The following PPP4R1 variants were observed in gnomAD, a reference collection of about 807,000 sequenced individuals.
PPP4R1 encodes protein phosphatase 4 regulatory subunit 1.
A neutral mutation model predicts 111.2 loss-of-function variants in PPP4R1; 42 were observed. The ratio of observed to expected loss-of-function variants is 0.38; its 90% CI spans 0.29 to 0.49. The LOEUF is 0.49. Among genes scored for constraint, PPP4R1 ranks in the 20% least tolerant of loss-of-function variants. PPP4R1 has a pLI of 0.97. For missense variants in PPP4R1, 1,012 were observed against 1,161.6 expected, an observed-to-expected ratio of 0.87 and a Z score of 1.87; for synonymous variants, 409 against 405.5, an observed-to-expected ratio of 1.01 and a Z score of -0.10.
intron 5 of PPP4R1, 52 bp downstream of exon 5, chr18:9,588,659 A>G (rs1261821191): frequency 1.3e-6 from 2 of 1,488,150 alleles, no homozygotes; most frequent in Non-Finnish European, 1.8e-6. Flanking sequence ...GCTATTCTCC[A>G]TATATTACAC....
chr18:9,588,082 G>T lies in PPP4R1; in HGVS notation c.585+7C>A. The T allele has an allele frequency of 6.2e-7, 1 of 1,613,332 alleles. No individual in the cohort carries two copies. Among genetic ancestry groups the T allele is most frequent in the South Asian group, 1.1e-5 (1 of 90,926 alleles). Reference sequence around the variant, plus strand: ...TTGCATAAGTGGAAAAATGGCATTTGACTTACAGCCACAGCTTCTGTTTTC... The same window carrying T: ...TTGCATAAGTGGAAAAATGGCATTTTACTTACAGCCACAGCTTCTGTTTTC... On this transcript the variant is annotated splice_region_variant and intron_variant, in intron 6 of 19. Transcript: ENST00000400556.
chr18:9,549,742 CAT>C (rs1485785604), intron 18 of PPP4R1: 1 of 507,238 alleles, frequency 2.0e-6, no homozygotes, highest in East Asian at 3.4e-5. Context: ...GTGAAATGTA[CAT>C]ATACACACGT....
Position 9,557,366 on chromosome 18 carries a change from G to A in PPP4R1, c.2045C>T (p.Thr682Ile), listed in dbSNP as rs770470170. Residue 682 changes from threonine (T) to isoleucine (I), a missense_variant, in exon 15 of 20, where the codon ACT becomes ATT. Transcript: ENST00000400556. Reference sequence around the variant, plus strand: ...AAGCTCGTGGATGGAGAATGCTAGAGTTCGTCGAACTTTCCACTGCAGAAA... The same window carrying A: ...AAGCTCGTGGATGGAGAATGCTAGAATTCGTCGAACTTTCCACTGCAGAAA... ...ASDMQWKVRR[T>I]LAFSIHELAV... 6.2e-7 allele frequency: 1 copy of A among 1,602,334 alleles called. No individual in the cohort carries two copies. The highest frequency in any genetic ancestry group is 2.2e-5 in the East Asian group (1 of 44,742).
At chr18:9,602,987 T>A (rs1337871315) in intron 2 of PPP4R1, among the ~76,000 whole-genome samples, 1 of 152,340 alleles carries the variant, frequency 6.6e-6, no homozygotes, top group East Asian at 1.9e-4. Context: ...ACAGTGATAA[T>A]GTCTGCAAAT....
intron 2 of PPP4R1, among the ~76,000 whole-genome samples, chr18:9,602,900 A>C (rs1437781973): frequency 6.6e-6 from 1 of 152,196 alleles, no homozygotes; most frequent in Non-Finnish European, 1.5e-5. Context: ...TTTTTAAGGT[A>C]AGAGAGATCT....
At chr18:9,593,135 A>G (rs1424527443) in intron 4 of PPP4R1, among the ~76,000 whole-genome samples, 1 of 152,182 alleles carries the variant, frequency 6.6e-6, no homozygotes, top group Non-Finnish European at 1.5e-5. Context: ...GATTTAAGGG[A>G]AAAAGTTTTA....
At chr18:9,598,518 C>T (rs1448487579) in intron 2 of PPP4R1, among the ~76,000 whole-genome samples, 1 of 152,094 alleles carries the variant, frequency 6.6e-6, no homozygotes, top group African/African-American at 2.4e-5. Flanking sequence ...CTTTCAAGTA[C>T]ATAAAGAAAA....
intron 11 of PPP4R1, among the ~76,000 whole-genome samples, chr18:9,568,472 CAA>C (rs2066806498): frequency 6.6e-6 from 1 of 152,152 alleles, no homozygotes; most frequent in Non-Finnish European, 1.5e-5. Context: ...ATTTACAGTA[CAA>C]AGAGTATTAG....
chr18:9,558,901 A>C (rs2145032884), intron 14 of PPP4R1, among the ~76,000 whole-genome samples: 1 of 152,210 alleles, frequency 6.6e-6, no homozygotes, highest in Middle Eastern at 3.4e-3. Flanking sequence ...GTTCTGTTGA[A>C]AGGGGTTGGG....
intron 9 of PPP4R1, among the ~76,000 whole-genome samples, chr18:9,580,821 CT>C (rs1487271045): frequency 1.3e-5 from 2 of 152,172 alleles, no homozygotes; most frequent in Non-Finnish European, 2.9e-5. Context: ...GGTGAGGCTC[CT>C]TTCTTCCACC....
chr18:9,554,830 G>C (rs573442681), intron 15 of PPP4R1, among the ~76,000 whole-genome samples: 2 of 152,184 alleles, frequency 1.3e-5, no homozygotes, highest in Non-Finnish European at 2.9e-5. Context: ...GGACACAAGA[G>C]GCAGCTTTAA....
At position 9,614,386 on chromosome 18, in the gene PPP4R1, GCCGGCC is replaced by G; in HGVS notation, c.7+86_7+91del. ...GCGCCTTCCCGCGCCGGGACCCCAC[GCCGGCC>G]CCGGCCCGGCAGCCACTCAGGGCTG... On this transcript the variant is annotated intron_variant, in intron 1 of 19. Transcript: ENST00000400556. The surrounding 1 kb of genome is among the most constrained non-coding windows in gnomAD (Gnocchi z 4.1). 1.0e-6 allele frequency: 1 copy of G among 957,794 alleles called. No homozygotes were observed. The highest frequency in any genetic ancestry group is 1.2e-6 in the Non-Finnish European group (1 of 808,084). The allele number at this position is 957,794 out of a possible 1,614,324, so 59.3% of individuals were successfully genotyped here.
At chr18:9,603,952 A>T (rs1253176390) in intron 2 of PPP4R1, among the ~76,000 whole-genome samples, 1 of 152,160 alleles carries the variant, frequency 6.6e-6, no homozygotes, top group African/African-American at 2.4e-5. Context: ...TTTATTCACA[A>T]TTTTTTTGTT....
chr18:9,577,376 TTTCTCTGGCTGGGCGCAG>T (rs1169589535), intron 9 of PPP4R1, among the ~76,000 whole-genome samples, 185 bp from the exon 10 acceptor site: 1 of 152,184 alleles, frequency 6.6e-6, no homozygotes, highest in Admixed American at 6.5e-5. Context: ...TACAAGCTAT[TTTCTCTGGCTGGGCGCAG>T]TGGCTCATGC....
chr18:9,565,350 T>C (rs373082525), intron 11 of PPP4R1, among the ~76,000 whole-genome samples: 16 of 152,274 alleles, frequency 1.1e-4, no homozygotes, highest in African/African-American at 3.1e-4. Context: ...AATATTAAAA[T>C]TGGGCCAATC....
chr18:9,593,168 A>G (rs1484708418), intron 4 of PPP4R1, among the ~76,000 whole-genome samples: 2 of 152,180 alleles, frequency 1.3e-5, no homozygotes, highest in Admixed American at 6.5e-5. Context: ...GGTTTCTAAA[A>G]TCAAGTATAA....
At position 9,614,043 on chromosome 18, in the gene PPP4R1, T is replaced by G; in HGVS notation, c.52+183A>C. ...GGCGTCTCCCTCCCCCAGCGGAACC[T>G]GGGCGCGCCGTTTCCTCACGGACGC... is the stretch of plus-strand genomic sequence containing the variant. On this transcript the variant is annotated intron_variant, in intron 2 of 19. Transcript: ENST00000400556. This position sits in a 1 kb window ranked among gnomAD's most constrained non-coding sequence, Gnocchi z 4.1. The G allele has an allele frequency of 2.6e-6, 1 of 383,502 alleles. No homozygotes were observed. The highest frequency in any genetic ancestry group is 4.2e-6 in the Non-Finnish European group (1 of 237,612). The allele number at this position is 383,502 out of a possible 1,614,324, so 23.8% of individuals were successfully genotyped here.
chr18:9,614,891 C>T (rs2067667088), upstream of PPP4R1: 1 of 150,734 alleles, frequency 6.6e-6, no homozygotes, highest in Non-Finnish European at 1.5e-5. The surrounding 1 kb of genome is among the most constrained non-coding windows in gnomAD (Gnocchi z 4.1). Context: ...GGAACCCGGC[C>T]GGGCGGGGCC....
intron 2 of PPP4R1, 77 bp from the exon 3 acceptor site, chr18:9,595,230 A>G: frequency 6.9e-7 from 1 of 1,441,064 alleles, no homozygotes; most frequent in Non-Finnish European, 9.4e-7. Flanking sequence ...AAGCAGTACA[A>G]ATCTGTTTCT....
Sources: allele counts gnomAD v4.1 joint callset (sites outside exome capture counted in the v4.1 genomes callset), GRCh38; gene constraint gnomAD v4.1.1; non-coding constraint Gnocchi (gnomAD v3.1); transcripts MANE v1.5; gene names NCBI Gene and HGNC (gene_info 2026-07-23, HGNC 2026-07-21).